Variants in SLC30A4 observed in about 807,000 individuals in gnomAD.
SLC30A4 encodes solute carrier family 30 member 4, also known as probable proton-coupled zinc antiporter SLC30A4.
Under a neutral mutation model 41.7 loss-of-function variants are expected in SLC30A4, and 20 were observed. The ratio of observed to expected loss-of-function variants is 0.48; its 90% CI spans 0.34 to 0.70. The LOEUF (loss-of-function observed/expected upper bound fraction) is 0.70, where lower values mean the gene tolerates loss of function less well. Ranked by LOEUF, SLC30A4 falls within the 30% of genes least tolerant of loss-of-function variation. The pLI is 0.01. For missense variants in SLC30A4, 441 were observed against 529.3 expected, an observed-to-expected ratio of 0.83 and a Z score of 1.64; for synonymous variants, 181 against 195.9, an observed-to-expected ratio of 0.92 and a Z score of 0.64.
rs77869069 is a variant in SLC30A4 at position 45,485,443 on chromosome 15, A to G, written c.1136-126T>C. The stretch of plus-strand genomic sequence containing the variant: ...ATTAGTCTGATTTCTACCCTCTCTA[A>G]GCTATTCTGTTAGATAAGTAGGTCA... On this transcript the variant is annotated intron_variant, in intron 7 of 7. Transcript: ENST00000261867. 1,055 of 639,468 alleles carry G rather than the reference A, an allele frequency of 1.6e-3. 18 individuals carry two copies. In the East Asian group the frequency reaches 0.03, roughly 18 times the overall value. 39.6% of individuals were successfully genotyped at this position (639,468 alleles called of 1,614,324 possible). A position where few individuals can be genotyped will look rare whatever the true frequency, so the allele number is the denominator to read the frequency against.
In SLC30A4 at chr15:45,521,873, G is replaced by T. The variant is rs1039489615; in HGVS notation, c.391+91C>A. The T allele has an allele frequency of 6.0e-6, 8 of 1,322,702 alleles. No individual in the cohort carries two copies. In the African/African-American group the frequency reaches 7.4e-5, roughly 12 times the overall value. 81.9% of individuals were successfully genotyped at this position (1,322,702 alleles called of 1,614,324 possible). A position where few individuals can be genotyped will look rare whatever the true frequency, so the allele number is the denominator to read the frequency against. On this transcript the variant is annotated intron_variant, in intron 2 of 7. Coordinates refer to ENST00000261867, the MANE Select transcript of SLC30A4 (RefSeq NM_013309.6). The stretch of plus-strand genomic sequence containing the variant: ...TTGATAAATACAAACTTCCTGAAAA[G>T]ATGGGTTAAACCTCAAAGCCTGTGT...
intron 2 of SLC30A4, among the ~76,000 whole-genome samples, chr15:45,511,730 C>T (rs1007928946): frequency 3.3e-5 from 5 of 152,336 alleles, no homozygotes; most frequent in South Asian, 2.1e-4. Context: ...CTGATCCACT[C>T]GCCTCGGCCT....
chr15:45,497,172 A>G (rs1431125791), intron 3 of SLC30A4: 1 of 152,166 alleles, frequency 6.6e-6, no homozygotes, highest in Non-Finnish European at 1.5e-5. Flanking sequence ...GGTTCAAGCA[A>G]TTCTCCTGCC....
At position 45,486,725 on chromosome 15, in the gene SLC30A4, C is replaced by T; in HGVS notation, c.1021G>A (p.Val341Ile). 6.4e-7 allele frequency: 1 copy of T among 1,560,412 alleles called. No homozygotes were observed. ...ATCAAGGCTTCTTTGATATAGTCTA[C>T]ATTCAAATGGCTTGGCACACCTATT... The part of the protein sequence containing the change: ...ILEGVPSHLN[V>I]DYIKEALMKI... The change falls in exon 7 of 8, where the codon GTA becomes ATA. Residue 341 changes from valine (V) to isoleucine (I), a missense_variant. By Grantham distance (29) the Val-to-Ile change is conservative. Around this residue, in one of 3 missense-constraint regions of SLC30A4, gnomAD observed 100 missense variants for 121.0 expected, o/e 0.83. Coordinates refer to ENST00000261867, the MANE Select transcript of SLC30A4 (RefSeq NM_013309.6).
At chr15:45,495,922 G>A (rs1164203811) in intron 3 of SLC30A4, among the ~76,000 whole-genome samples, 1 of 152,150 alleles carries the variant, frequency 6.6e-6, no homozygotes, top group Non-Finnish European at 1.5e-5. Context: ...TCATTAATAA[G>A]GAATGTTGTT....
chr15:45,515,329 T>C (rs1399874184), intron 2 of SLC30A4, among the ~76,000 whole-genome samples: 1 of 151,836 alleles, frequency 6.6e-6, no homozygotes, highest in African/African-American at 2.4e-5. Context: ...CACCCAGCCC[T>C]TAATTTATCT....
rs1301968384 is a variant in SLC30A4 at position 45,481,557 on chromosome 15, T to C, written c.*3606A>G. ...TGCCAAGTTTTTATATTGTGGTCTG[T>C]GGTCCTGTCATAATCTGTTTTCCCA... On this transcript the variant is annotated 3_prime_UTR_variant, in exon 8 of 8. Coordinates refer to ENST00000261867, the MANE Select transcript of SLC30A4 (RefSeq NM_013309.6). 1 of 152,220 alleles carries C rather than the reference T, an allele frequency of 6.6e-6. No individual in the cohort carries two copies. The highest frequency in any genetic ancestry group is 6.5e-5 in the Admixed American group (1 of 15,268). The allele number at this position is 152,220 out of a possible 1,614,324, so 9.4% of individuals were successfully genotyped here.
intron 5 of SLC30A4, among the ~76,000 whole-genome samples, chr15:45,488,505 G>A (rs955287310): frequency 5.3e-5 from 8 of 152,064 alleles, no homozygotes; most frequent in Non-Finnish European, 1.2e-4. Context: ...CCTGGGAGGC[G>A]GAGGCTGCAG....
chr15:45,503,329 C>G (rs1172385267), intron 3 of SLC30A4, among the ~76,000 whole-genome samples: 2 of 152,108 alleles, frequency 1.3e-5, no homozygotes, highest in Non-Finnish European at 2.9e-5. Context: ...TTTAGAAGGT[C>G]ATGGACTCAC....
At chr15:45,485,794 T>G (rs902586015) in intron 7 of SLC30A4, among the ~76,000 whole-genome samples, 1 of 152,110 alleles carries the variant, frequency 6.6e-6, no homozygotes, top group East Asian at 1.9e-4. Context: ...CTTGGCTTAC[T>G]GTAGCCTCTG....
chr15:45,485,298 T>A lies in SLC30A4; in HGVS notation c.1155A>T (p.Lys385Asn). The change falls in exon 8 of 8, where the codon AAA (lysine) becomes AAT (asparagine). Residue 385 changes from lysine (K) to asparagine (N), a missense_variant. Physicochemically the swap from Lys to Asn is moderately conservative, Grantham distance 94. Coordinates refer to ENST00000261867, the MANE Select transcript of SLC30A4 (RefSeq NM_013309.6). Reference protein sequence around the residue: ...HIQLIPGSSSKWEEVQSKANH... With the variant: ...HIQLIPGSSSNWEEVQSKANH... ...TTGCTTTGGACTGTACTTCCTCCCA[T>A]TTAGATGAACTTCCAGGAACTGCAA... 1 of 1,609,274 alleles carries A rather than the reference T, an allele frequency of 6.2e-7. No homozygotes were observed. The highest frequency in any genetic ancestry group is 2.2e-5 in the East Asian group (1 of 44,742).
At position 45,484,922 on chromosome 15, in the gene SLC30A4, A is replaced by G; in HGVS notation, c.*241T>C. On this transcript the variant is annotated 3_prime_UTR_variant, in exon 8 of 8. Transcript: ENST00000261867. The stretch of plus-strand genomic sequence containing the variant: ...ATTGTCTTCTATGAGGTATCTGTAG[A>G]GTCACATCTCATTCTGTAAACAGTG... 2.1e-6 allele frequency: 1 copy of G among 471,216 alleles called. No homozygotes were observed. The highest frequency in any genetic ancestry group is 3.4e-5 in the South Asian group (1 of 29,416). 29.2% of individuals were successfully genotyped at this position (471,216 alleles called of 1,614,324 possible).
intron 6 of SLC30A4, 45 bp downstream of exon 6, chr15:45,487,482 T>G: frequency 1.0e-6 from 1 of 958,612 alleles, no homozygotes; most frequent in Non-Finnish European, 1.7e-6. Flanking sequence ...CCAATCTGCT[T>G]TAGGGAAGTA....
rs1057353653 is a variant in SLC30A4, at chr15:45,480,211, T to C, written c.*4952A>G. 1.3e-5 allele frequency: 2 copies of C among 152,184 alleles called. No individual in the cohort carries two copies. Among genetic ancestry groups the C allele is most frequent in the African/African-American group, 4.8e-5 (2 of 41,452 alleles). The allele number at this position is 152,184 out of a possible 1,614,324, so 9.4% of individuals were successfully genotyped here. ...CAAAAAGCAAATTGGTCCTCAATGATTGGAACAGCAGGTTAAACCCTTTAC... is the reference window on the plus strand; with the variant it reads ...CAAAAAGCAAATTGGTCCTCAATGACTGGAACAGCAGGTTAAACCCTTTAC... On this transcript the variant is annotated 3_prime_UTR_variant, in exon 8 of 8. Transcript: ENST00000261867.
intron 2 of SLC30A4, among the ~76,000 whole-genome samples, chr15:45,520,403 G>A (rs1461157263): frequency 6.6e-6 from 1 of 151,944 alleles, no homozygotes; most frequent in Non-Finnish European, 1.5e-5. Context: ...CCAAGTAGCT[G>A]GGATTACAGG....
chr15:45,495,183 C>T (rs1891887356), intron 3 of SLC30A4, among the ~76,000 whole-genome samples: 1 of 152,006 alleles, frequency 6.6e-6, no homozygotes, highest in Non-Finnish European at 1.5e-5. Context: ...ACACTTTACA[C>T]TTATAAAGAT....
intron 2 of SLC30A4, among the ~76,000 whole-genome samples, chr15:45,513,515 T>C (rs193052078): frequency 4.7e-5 from 7 of 147,996 alleles, no homozygotes; most frequent in Admixed American, 4.1e-4. Context: ...CCTCTGAAAA[T>C]CATCTTCACA....
chr15:45,486,507 C>A, intron 7 of SLC30A4, 104 bp downstream of exon 7: 1 of 1,079,908 alleles, frequency 9.3e-7, no homozygotes, highest in South Asian at 1.8e-5. Flanking sequence ...TAAAACAAAT[C>A]TTTTCAGCAG....
chr15:45,522,447 G>A lies in SLC30A4; in HGVS notation c.-93C>T, dbSNP rs1892705759. On this transcript the variant is annotated 5_prime_UTR_variant, in exon 2 of 8. Transcript: ENST00000261867. ...ACCGGAGCGCCAGTTCTCGAGGGCA[G>A]TGCCGCGCGTCCCTCCCCATCCTGT... 8.3e-7 allele frequency: 1 copy of A among 1,208,322 alleles called. No homozygotes were observed. Among genetic ancestry groups the A allele is most frequent in the Admixed American group, 2.7e-5 (1 of 37,324 alleles). 74.9% of individuals were successfully genotyped at this position (1,208,322 alleles called of 1,614,324 possible).
Sources: gnomAD v4.1 joint callset for allele counts (sites outside exome capture counted in the v4.1 genomes callset) on GRCh38, gnomAD v4.1.1 for gene constraint, gnomAD v4.1.1 regional missense constraint, MANE v1.5 for transcripts, NCBI Gene and HGNC (gene_info 2026-07-23, HGNC 2026-07-21) for gene names.